CACNA1D: variants seen among roughly 807,000 people sequenced by gnomAD.
CACNA1D encodes voltage-dependent L-type calcium channel subunit alpha-1D.
Under a neutral mutation model 257.1 loss-of-function variants are expected in CACNA1D, and 55 were observed. That is an observed-to-expected ratio of 0.21 (90% CI 0.17 to 0.27). The LOEUF (loss-of-function observed/expected upper bound fraction) is 0.27, where lower values mean the gene tolerates loss of function less well. CACNA1D is among the 10% of genes least tolerant of loss of function. CACNA1D has a pLI of 1.00. For synonymous variants in CACNA1D, 980 were observed against 1,014.9 expected (o/e 0.97, Z 0.65); for missense variants, 1,876 against 2,784.0 (o/e 0.67, Z 7.34).
At chr3:53,713,871 C>T (rs900702701) in intron 9 of CACNA1D, among the ~76,000 whole-genome samples, 3 of 152,176 alleles carry the variant, frequency 2.0e-5, no homozygotes, top group Non-Finnish European at 4.4e-5. Context: ...CCACCATCCT[C>T]TCACCCCCAG....
chr3:53,635,280 G>A (rs935425675), intron 3 of CACNA1D, among the ~76,000 whole-genome samples: 3 of 152,144 alleles, frequency 2.0e-5, no homozygotes, highest in Non-Finnish European at 4.4e-5. Flanking sequence ...CTGCAGTCTC[G>A]GGTGGGTACC....
chr3:53,779,901 T>A (rs771969567), intron 37 of CACNA1D, 125 bp from the exon 38 acceptor site: 3 of 764,106 alleles, frequency 3.9e-6, no homozygotes, highest in Non-Finnish European at 7.0e-6. Flanking sequence ...CCCAAATGGC[T>A]GTTGAATGGA....
chr3:53,563,566 T>C (rs2092779981), intron 3 of CACNA1D, among the ~76,000 whole-genome samples: 1 of 151,816 alleles, frequency 6.6e-6, no homozygotes, highest in Non-Finnish European at 1.5e-5. Context: ...TGCTTATCTT[T>C]CTTTGATTCT....
At chr3:53,626,906 C>T (rs1234504201) in intron 3 of CACNA1D, among the ~76,000 whole-genome samples, 1 of 152,164 alleles carries the variant, frequency 6.6e-6, no homozygotes, top group Non-Finnish European at 1.5e-5. Context: ...TTTAAGACTC[C>T]TTCTTGCTCC....
intron 3 of CACNA1D, among the ~76,000 whole-genome samples, chr3:53,571,433 G>A (rs2092941328): frequency 6.6e-6 from 1 of 152,178 alleles, no homozygotes; most frequent in South Asian, 2.1e-4. Context: ...GGAGAGAGCT[G>A]TCACATGCAC....
At chr3:53,609,351 A>G (rs954007004) in intron 3 of CACNA1D, among the ~76,000 whole-genome samples, 2 of 145,578 alleles carry the variant, frequency 1.4e-5, no homozygotes, top group African/African-American at 5.1e-5. Context: ...CAGAGCTTGC[A>G]GTGAGCCGAG....
intron 3 of CACNA1D, among the ~76,000 whole-genome samples, chr3:53,596,473 G>A (rs2093371848): frequency 6.6e-6 from 1 of 152,136 alleles, no homozygotes; most frequent in Admixed American, 6.6e-5. Context: ...TCTTGAACCT[G>A]TGAGTATGTT....
chr3:53,811,100 CTT>C lies in CACNA1D; in HGVS notation c.6193-10_6193-9del. 1 of 1,612,632 alleles carries C rather than the reference CTT, an allele frequency of 6.2e-7. No individual in the cohort carries two copies. The highest frequency in any genetic ancestry group is 8.5e-7 in the Non-Finnish European group (1 of 1,178,718). On this transcript the variant is annotated splice_polypyrimidine_tract_variant and intron_variant, in intron 47 of 47. Coordinates refer to ENST00000350061, the MANE Select transcript of CACNA1D (RefSeq NM_001128840.3). This position sits in a 1 kb window ranked among gnomAD's most constrained non-coding sequence, Gnocchi z 4.2. ...TAACACCCCCATGCCATCCATCCCT[CTT>C]TTCTGTACAGGTCCTGATATCCGAA...
At chr3:53,596,567 C>A (rs1206563850) in intron 3 of CACNA1D, among the ~76,000 whole-genome samples, 1 of 152,144 alleles carries the variant, frequency 6.6e-6, no homozygotes, top group African/African-American at 2.4e-5. Context: ...TTAGATGGGC[C>A]TACCCAATCC....
At chr3:53,806,311 G>A (rs532195863) in intron 45 of CACNA1D, among the ~76,000 whole-genome samples, 10 of 151,792 alleles carry the variant, frequency 6.6e-5, no homozygotes, top group Admixed American at 1.3e-4. Flanking sequence ...CTCTGCTCAC[G>A]GGGCAGGTTC....
At chr3:53,522,750 C>T (rs1398904316) in intron 3 of CACNA1D, among the ~76,000 whole-genome samples, 1 of 152,160 alleles carries the variant, frequency 6.6e-6, no homozygotes, top group Non-Finnish European at 1.5e-5. Flanking sequence ...AGGGTATCCG[C>T]CACCTCAAAC....
intron 3 of CACNA1D, among the ~76,000 whole-genome samples, chr3:53,597,299 G>T (rs2093382777): frequency 6.6e-6 from 1 of 152,222 alleles, no homozygotes; most frequent in Non-Finnish European, 1.5e-5. Context: ...TCATCAGCTA[G>T]GTTGGCAATT....
Position 53,769,985 on chromosome 3 carries a change from G to A in CACNA1D, c.3883G>A (p.Glu1295Lys). ...TGATTTCTTAAAGCCAACTGAAAGT[G>A]AAAATGTCCCTGTCCCAACTGCTAC... ...ALSEADPTES[E>K]NVPVPTATPG... The change falls in exon 31 of 48, where the codon GAA (glutamate) becomes AAA (lysine). Residue 1295 changes from glutamate (E) to lysine (K), a missense_variant. Coordinates refer to ENST00000350061, the MANE Select transcript of CACNA1D (RefSeq NM_001128840.3). The A allele has an allele frequency of 6.2e-7, 1 of 1,613,462 alleles. No individual in the cohort carries two copies. The highest frequency in any genetic ancestry group is 8.5e-7 in the Non-Finnish European group (1 of 1,179,340).
Position 53,715,221 on chromosome 3 carries a change from C to G in CACNA1D, c.1391-3080C>G, listed in dbSNP as rs556182416. Among the ~76,000 whole-genome samples the G allele has an allele frequency of 3.9e-5, 6 of 152,308 alleles. No homozygotes were observed. In the South Asian group the frequency reaches 1.2e-3, roughly 32 times the overall value. ...AGGTCTCCAATTTCTAGCGTAGGCA[C>G]TGTCCTCTTTCTTTCCGTCTGCCTC... On this transcript the variant is annotated intron_variant, in intron 9 of 47. Coordinates refer to ENST00000350061, the MANE Select transcript of CACNA1D (RefSeq NM_001128840.3).
At chr3:53,767,707 A>G (rs1276376048) in intron 30 of CACNA1D, among the ~76,000 whole-genome samples, 2 of 152,174 alleles carry the variant, frequency 1.3e-5, no homozygotes, top group African/African-American at 4.8e-5. Flanking sequence ...TCAGGCTAGT[A>G]TGAGAGCTGG....
chr3:53,773,339 A>G (rs1022615025), intron 33 of CACNA1D: 3 of 254,734 alleles, frequency 1.2e-5, no homozygotes, highest in Non-Finnish European at 2.3e-5. Flanking sequence ...AAAAAGAGGC[A>G]TGAAACTGGG....
chr3:53,774,730 G>A lies in CACNA1D; in HGVS notation c.4202+52G>A, dbSNP rs371749219. On this transcript the variant is annotated intron_variant, in intron 34 of 47. Transcript: ENST00000350061. The surrounding 1 kb of genome is among the most constrained non-coding windows in gnomAD (Gnocchi z 4.3). ...TCCTGGGCAGGGGGGTCCGCTAGGC[G>A]TGGGTCCAGAGGGACGGAGGACACA... 1.2e-5 allele frequency: 13 copies of A among 1,043,422 alleles called. No homozygotes were observed. The highest frequency in any genetic ancestry group is 1.1e-4 in the African/African-American group (7 of 63,938). The allele number at this position is 1,043,422 out of a possible 1,614,324, so 64.6% of individuals were successfully genotyped here.
intron 3 of CACNA1D, among the ~76,000 whole-genome samples, chr3:53,534,679 C>T (rs972152999): frequency 1.3e-5 from 2 of 152,202 alleles, no homozygotes; most frequent in Admixed American, 6.5e-5. Flanking sequence ...CTTTTCTTAC[C>T]TTCTGTCACA....
At position 53,806,647 on chromosome 3, in the gene CACNA1D, C is replaced by A. The variant is rs527585200; in HGVS notation, c.5749+1501C>A. Among the ~76,000 whole-genome samples the A allele has an allele frequency of 6.3e-3, 963 of 152,316 alleles. 9 individuals carry two copies. Among genetic ancestry groups the A allele is most frequent in the Non-Finnish European group, 0.011 (770 of 68,040 alleles). ...GTAACCAAAAATAGCCGTGACACAT[C>A]GGCTTCTGAGTCTGCCAACTGCATA... is the stretch of plus-strand genomic sequence containing the variant. On this transcript the variant is annotated intron_variant, in intron 45 of 47. Transcript: ENST00000350061.
Sources: gnomAD v4.1 joint callset for allele counts (sites outside exome capture counted in the v4.1 genomes callset) on GRCh38, gnomAD v4.1.1 for gene constraint, Gnocchi (gnomAD v3.1) non-coding constraint, MANE v1.5 for transcripts, NCBI Gene and HGNC (gene_info 2026-07-23, HGNC 2026-07-21) for gene names.